Variants in TMEM163 observed in about 807,000 individuals in gnomAD.
The protein encoded by TMEM163 is transmembrane protein 163.
In TMEM163, 17 loss-of-function variants were observed where a neutral mutation model predicts 29.3. That is an observed-to-expected ratio of 0.58 (90% CI 0.40 to 0.87). TMEM163 has a LOEUF of 0.87. TMEM163 is among the 40% of genes least tolerant of loss of function. The probability of loss-of-function intolerance (pLI) is 0.00; values close to 1 mark genes in which losing one functional copy is unlikely to be tolerated. For synonymous variants in TMEM163, 157 were observed against 160.6 expected, an observed-to-expected ratio of 0.98 and a Z score of 0.17; for missense variants, 303 against 381.5, an observed-to-expected ratio of 0.79 and a Z score of 1.71.
chr2:134,479,592 C>T (rs935065018), intron 5 of TMEM163, among the ~76,000 whole-genome samples: 5 of 152,236 alleles, frequency 3.3e-5, no homozygotes, highest in African/African-American at 7.2e-5. Flanking sequence ...CAGATAAGGG[C>T]GAGCATCCCT....
intron 2 of TMEM163, among the ~76,000 whole-genome samples, chr2:134,585,322 T>C (rs1681789438): frequency 6.6e-6 from 1 of 152,210 alleles, no homozygotes; most frequent in Non-Finnish European, 1.5e-5. Context: ...CTGGACCTAA[T>C]AGATTCTCAA....
intron 2 of TMEM163, among the ~76,000 whole-genome samples, chr2:134,603,743 CCTT>C (rs1682287065): frequency 6.6e-6 from 1 of 151,494 alleles, no homozygotes; most frequent in Non-Finnish European, 1.5e-5. Context: ...AGGACCCTCT[CCTT>C]CTCCTTGGAC....
chr2:134,661,925 CTTTCTT>C (rs1683760637), intron 2 of TMEM163, among the ~76,000 whole-genome samples: 1 of 79,068 alleles, frequency 1.3e-5, no homozygotes, highest in South Asian at 3.5e-4. Flanking sequence ...CATTAATTTT[CTTTCTT>C]TTTTTTTTTT....
At chr2:134,552,146 G>T (rs1680943908) in intron 2 of TMEM163, 55 bp from the exon 3 acceptor site, 3 of 1,425,026 alleles carry the variant, frequency 2.1e-6, no homozygotes, top group Non-Finnish European at 2.9e-6. Context: ...TCATTTTTGA[G>T]TATATTAATA....
At chr2:134,582,320 A>G (rs926366813) in intron 2 of TMEM163, among the ~76,000 whole-genome samples, 4 of 152,182 alleles carry the variant, frequency 2.6e-5, no homozygotes, top group Non-Finnish European at 4.4e-5. Flanking sequence ...TGGTAGGTGC[A>G]CCTAATAGCA....
chr2:134,503,580 T>C (rs143928606), intron 4 of TMEM163, among the ~76,000 whole-genome samples: 3 of 152,356 alleles, frequency 2.0e-5, no homozygotes, highest in Non-Finnish European at 2.9e-5. Flanking sequence ...ATGACGTTGA[T>C]AGACCCCTTT....
intron 4 of TMEM163, among the ~76,000 whole-genome samples, chr2:134,547,333 C>T (rs1351116409): frequency 1.3e-5 from 2 of 152,190 alleles, no homozygotes; most frequent in African/African-American, 4.8e-5. Flanking sequence ...ATCATATCCA[C>T]AGTAGGGATA....
At chr2:134,575,479 A>G (rs1203235990) in intron 2 of TMEM163, among the ~76,000 whole-genome samples, 13 of 152,088 alleles carry the variant, frequency 8.5e-5, no homozygotes, top group African/African-American at 2.9e-4. Flanking sequence ...GCTGAAAACA[A>G]TCTCTGCCTC....
At chr2:134,524,706 T>G (rs900136274) in intron 4 of TMEM163, among the ~76,000 whole-genome samples, 1 of 150,402 alleles carries the variant, frequency 6.6e-6, no homozygotes, top group Non-Finnish European at 1.5e-5. Context: ...ATCTCATTCC[T>G]TTTTATGGCT....
At chr2:134,504,946 C>T (rs1485934193) in intron 4 of TMEM163, among the ~76,000 whole-genome samples, 1 of 152,136 alleles carries the variant, frequency 6.6e-6, no homozygotes, top group Non-Finnish European at 1.5e-5. Flanking sequence ...ATCATCACTC[C>T]CAAAGCACTT....
At chr2:134,685,162 C>T (rs1405797758) in intron 2 of TMEM163, among the ~76,000 whole-genome samples, 3 of 152,138 alleles carry the variant, frequency 2.0e-5, no homozygotes, top group Non-Finnish European at 4.4e-5. Flanking sequence ...ACAGTATTAA[C>T]GTTTAAAGAT....
chr2:134,705,561 T>C (rs1684792083), intron 2 of TMEM163, among the ~76,000 whole-genome samples: 1 of 151,548 alleles, frequency 6.6e-6, no homozygotes. Flanking sequence ...GGAGCAAGAG[T>C]TTCCCCTGCT....
At position 134,641,609 on chromosome 2, in the gene TMEM163, G is replaced by C. The variant is rs1310935465; in HGVS notation, c.322+71591C>G. 3.9e-5 allele frequency among the ~76,000 whole-genome samples: 6 copies of C among 152,088 alleles called. No individual in the cohort carries two copies. The East Asian group carries it at 1.2e-3, about 29-fold the overall frequency. ...CTAAAAATTTATATACAAAGACATA[G>C]TCAAAAGCACAATAATTAAATTAAA... On this transcript the variant is annotated intron_variant, in intron 2 of 7. Coordinates refer to ENST00000281924, the MANE Select transcript of TMEM163 (RefSeq NM_030923.5).
At chr2:134,627,301 G>A (rs565378043) in intron 2 of TMEM163, among the ~76,000 whole-genome samples, 16 of 152,032 alleles carry the variant, frequency 1.1e-4, no homozygotes, top group East Asian at 3.9e-4. Flanking sequence ...AAAATCAAGC[G>A]CCTCATTTTC....
chr2:134,553,387 G>A (rs1442205274), intron 2 of TMEM163, among the ~76,000 whole-genome samples: 1 of 152,186 alleles, frequency 6.6e-6, no homozygotes, highest in Admixed American at 6.5e-5. Flanking sequence ...GATCCACTGT[G>A]AACCAAACAG....
chr2:134,584,032 GC>G (rs1681756186), intron 2 of TMEM163, among the ~76,000 whole-genome samples: 1 of 152,192 alleles, frequency 6.6e-6, no homozygotes, highest in Non-Finnish European at 1.5e-5. Context: ...AGGGCCTAGA[GC>G]AGCACCTGGC....
intron 4 of TMEM163, among the ~76,000 whole-genome samples, chr2:134,519,327 G>C (rs1017095584): frequency 3.9e-5 from 6 of 152,252 alleles, no homozygotes; most frequent in African/African-American, 1.4e-4. Flanking sequence ...AGCTCCATAC[G>C]AGGCAGCCTT....
chr2:134,681,482 G>A (rs193178667), intron 2 of TMEM163, among the ~76,000 whole-genome samples: 15 of 152,136 alleles, frequency 9.9e-5, no homozygotes, highest in Admixed American at 3.9e-4. Flanking sequence ...GCCCCACAGC[G>A]TACACACACA....
intron 2 of TMEM163, among the ~76,000 whole-genome samples, chr2:134,626,552 C>T (rs528534354): frequency 3.3e-5 from 5 of 152,240 alleles, no homozygotes; most frequent in African/African-American, 4.8e-5. Flanking sequence ...TGGGCCCATC[C>T]GGATAATCCA....
Sources: allele counts gnomAD v4.1 joint callset (sites outside exome capture counted in the v4.1 genomes callset), GRCh38; gene constraint gnomAD v4.1.1; transcripts MANE v1.5; gene names NCBI Gene and HGNC (gene_info 2026-07-23, HGNC 2026-07-21).